Variants in RNFT2 observed in about 807,000 individuals in gnomAD.
The protein encoded by RNFT2 is E3 ubiquitin-protein ligase RNFT2.
In RNFT2, 36 loss-of-function variants were observed where a neutral mutation model predicts 53.0. That is an observed-to-expected ratio of 0.68 (90% CI 0.52 to 0.90). RNFT2 has a LOEUF of 0.90. Ranked by LOEUF, RNFT2 falls within the 40% of genes least tolerant of loss-of-function variation. The pLI is 0.00. For synonymous variants in RNFT2, 260 were observed against 253.2 expected, an observed-to-expected ratio of 1.03 and a Z score of -0.26; for missense variants, 514 against 585.6, an observed-to-expected ratio of 0.88 and a Z score of 1.26.
chr12:116,845,600 G>A (rs1161287082), intron 10 of RNFT2, among the ~76,000 whole-genome samples: 2 of 152,068 alleles, frequency 1.3e-5, no homozygotes, highest in Non-Finnish European at 2.9e-5. Flanking sequence ...AGGTCATGTG[G>A]CACGTCAATG....
intron 7 of RNFT2, among the ~76,000 whole-genome samples, chr12:116,783,032 A>C (rs921297610): frequency 1.3e-5 from 2 of 152,302 alleles, no homozygotes; most frequent in South Asian, 4.2e-4. Context: ...CTGGCTCATC[A>C]TAAGTGCTCA....
intron 5 of RNFT2, among the ~76,000 whole-genome samples, chr12:116,765,204 T>G (rs1872855635): frequency 6.6e-6 from 1 of 152,190 alleles, no homozygotes; most frequent in Non-Finnish European, 1.5e-5. Context: ...CCTCTTCCTA[T>G]TCCACCTTTG....
Position 116,829,192 on chromosome 12 carries a change from A to C in RNFT2, c.883-4600A>C, listed in dbSNP as rs925015726. On this transcript the variant is annotated intron_variant, in intron 7 of 10. Transcript: ENST00000257575. ...AAAGTTCAAATCATGGATATTCTGC[A>C]GATCTTGGGGTCTGCAGCAGGATAT... 6.6e-5 allele frequency among the ~76,000 whole-genome samples: 10 copies of C among 152,104 alleles called. No homozygotes were observed. The East Asian group carries it at 1.9e-3, about 29-fold the overall frequency.
chr12:116,760,473 G>T (rs1206104796), intron 5 of RNFT2, among the ~76,000 whole-genome samples: 1 of 152,224 alleles, frequency 6.6e-6, no homozygotes, highest in Non-Finnish European at 1.5e-5. Flanking sequence ...TGCCAGACAG[G>T]AATGGGCTGC....
chr12:116,807,052 C>A (rs1875118136), intron 7 of RNFT2, among the ~76,000 whole-genome samples: 1 of 152,178 alleles, frequency 6.6e-6, no homozygotes, highest in African/African-American at 2.4e-5. Context: ...GTCACACTTA[C>A]CGCATGGCAG....
chr12:116,776,648 T>A (rs1873441909), intron 6 of RNFT2, among the ~76,000 whole-genome samples: 1 of 152,118 alleles, frequency 6.6e-6, no homozygotes, highest in Admixed American at 6.6e-5. Flanking sequence ...GAGGCCTCAT[T>A]TTGCACCTTT....
chr12:116,817,058 G>A (rs903137998), intron 7 of RNFT2, among the ~76,000 whole-genome samples: 7 of 152,278 alleles, frequency 4.6e-5, no homozygotes, highest in African/African-American at 1.7e-4. Context: ...TGTCGCCCAG[G>A]CTAGAATACA....
At chr12:116,750,380 G>C (rs950877796) in intron 4 of RNFT2, 73 bp downstream of exon 4, 6 of 1,434,936 alleles carry the variant, frequency 4.2e-6, no homozygotes, top group Non-Finnish European at 5.7e-6. Context: ...TGGGGTGGGG[G>C]CTCCTCCTCT....
chr12:116,768,368 T>G (rs1024593864), intron 6 of RNFT2, among the ~76,000 whole-genome samples: 1 of 152,178 alleles, frequency 6.6e-6, no homozygotes, highest in Non-Finnish European at 1.5e-5. Flanking sequence ...CCCAAAGTGC[T>G]GGGATTACAG....
At chr12:116,767,736 C>T (rs1370488454) in intron 6 of RNFT2, among the ~76,000 whole-genome samples, 18 of 151,964 alleles carry the variant, frequency 1.2e-4, no homozygotes, top group East Asian at 1.9e-4. Flanking sequence ...TGCGCCACCA[C>T]GCCCAGCGAA....
intron 5 of RNFT2, among the ~76,000 whole-genome samples, chr12:116,762,064 C>A (rs1407005334): frequency 4.6e-3 from 557 of 121,356 alleles, no homozygotes; most frequent in East Asian, 5.1e-3. Context: ...GAGACTGTCT[C>A]AAAAAAAAAA....
At position 116,779,324 on chromosome 12, in the gene RNFT2, G is replaced by C. The variant is rs754857107; in HGVS notation, c.858G>C (p.Lys286Asn). 7 of 1,613,868 alleles carry C rather than the reference G, an allele frequency of 4.3e-6. No homozygotes were observed. In the African/African-American group the frequency reaches 8.0e-5, roughly 18 times the overall value. ...ALKCLIVALP[K>N]IILAVKSKGK... ...AGTGCCTCATCGTGGCCCTGCCCAA[G>C]ATCATCCTGGCTGTCAAGTCCAAGG... The change falls in exon 7 of 11, where the codon AAG becomes AAC. Residue 286 changes from lysine to asparagine, a missense_variant. Around this residue, in one of 3 missense-constraint regions of RNFT2, gnomAD observed 273 missense variants for 334.4 expected, o/e 0.82. Transcript: ENST00000257575.
intron 4 of RNFT2, among the ~76,000 whole-genome samples, chr12:116,750,805 A>G (rs1342604111): frequency 1.3e-4 from 3 of 23,756 alleles, no homozygotes; most frequent in Admixed American, 7.0e-4. Flanking sequence ...GTGTATATAT[A>G]TATAATATAT....
chr12:116,740,071 T>C (rs561105431), intron 1 of RNFT2, among the ~76,000 whole-genome samples: 5 of 151,846 alleles, frequency 3.3e-5, no homozygotes, highest in Non-Finnish European at 7.4e-5. Context: ...GTGGGCGTGG[T>C]GTCGCATGCC....
chr12:116,758,867 C>T (rs1483412206), intron 5 of RNFT2, among the ~76,000 whole-genome samples: 10 of 152,110 alleles, frequency 6.6e-5, no homozygotes, highest in African/African-American at 1.4e-4. Context: ...ATGAATTTCC[C>T]GGGTGTTCTT....
In RNFT2 at chr12:116,750,056, G is replaced by A. The variant is rs756975373; in HGVS notation, c.299G>A (p.Gly100Asp). Residue 100 changes from glycine to aspartate, a missense_variant, in exon 4 of 11, where the codon GGC (glycine) becomes GAC (aspartate). This residue lies in a region of RNFT2 where 237 missense variants were observed against 235.1 expected (regional missense o/e 1.01). Coordinates refer to ENST00000257575, the MANE Select transcript of RNFT2 (RefSeq NM_001382266.1). ...QMPASREEGGGRGEGGAYHHR... is the reference protein window; with the variant it reads ...QMPASREEGGDRGEGGAYHHR... ...CCCGCGTCCAGGGAGGAAGGAGGGG[G>A]CCGGGGCGAGGGGGGCGCCTACCAC... The A allele has an allele frequency of 2.6e-5, 41 of 1,548,286 alleles. No homozygotes were observed. The highest frequency in any genetic ancestry group is 3.5e-5 in the Non-Finnish European group (40 of 1,148,810).
rs775465674 is a variant in RNFT2 at position 116,841,832 on chromosome 12, T to A, written c.1200+5550T>A. Among the ~76,000 whole-genome samples, 72 of 24,138 alleles carry A rather than the reference T, an allele frequency of 3.0e-3. 1 individual carries two copies. Among genetic ancestry groups the A allele is most frequent in the Middle Eastern group, 0.016 (2 of 122 alleles). 15.8% of individuals were successfully genotyped at this position (24,138 alleles called of 152,430 possible). A position where few individuals can be genotyped will look rare whatever the true frequency, so the allele number is the denominator to read the frequency against. On this transcript the variant is annotated intron_variant, in intron 10 of 10. Coordinates refer to ENST00000257575, the MANE Select transcript of RNFT2 (RefSeq NM_001382266.1). ...ATATATATATAAAAATATATATATATAAATATATATATAAATATATATAAA... is the reference window on the plus strand; with the variant it reads ...ATATATATATAAAAATATATATATAAAAATATATATATAAATATATATAAA...
intron 5 of RNFT2, among the ~76,000 whole-genome samples, chr12:116,765,919 G>A (rs1872893317): frequency 6.6e-6 from 1 of 152,126 alleles, no homozygotes; most frequent in Non-Finnish European, 1.5e-5. Flanking sequence ...CTGCTGGGTT[G>A]TAAACTCTTA....
chr12:116,844,941 C>CA (rs1315309841), intron 10 of RNFT2, among the ~76,000 whole-genome samples: 1 of 152,030 alleles, frequency 6.6e-6, no homozygotes, highest in African/African-American at 2.4e-5. Context: ...GTTCTGCCCT[C>CA]AGAAAGCTCT....
Sources: gnomAD v4.1 joint callset for allele counts (sites outside exome capture counted in the v4.1 genomes callset) on GRCh38, gnomAD v4.1.1 for gene constraint, gnomAD v4.1.1 regional missense constraint, MANE v1.5 for transcripts, NCBI Gene and HGNC (gene_info 2026-07-23, HGNC 2026-07-21) for gene names.